The following TSHZ2 variants were observed in gnomAD, a reference collection of about 807,000 sequenced individuals.
The protein encoded by TSHZ2 is teashirt homolog 2.
A neutral mutation model predicts 74.4 loss-of-function variants in TSHZ2; 21 were observed. The ratio of observed to expected loss-of-function variants is 0.28; its 90% CI spans 0.20 to 0.41. TSHZ2 has a LOEUF of 0.41. Ranked by LOEUF, TSHZ2 falls within the 10% of genes least tolerant of loss-of-function variation. TSHZ2 has a pLI of 1.00. For synonymous variants in TSHZ2, 540 were observed against 515.3 expected (o/e 1.05, Z -0.65); for missense variants, 1,244 against 1,293.5 (o/e 0.96, Z 0.59).
chr20:53,370,641 G>A (rs901045645), intron 2 of TSHZ2, among the ~76,000 whole-genome samples: 6 of 152,118 alleles, frequency 3.9e-5, no homozygotes, highest in African/African-American at 1.2e-4. Context: ...GCATGCATCT[G>A]TGGTCCCAGA....
At chr20:52,996,307 T>TTTTATTTATTTA (rs56169663) in intron 1 of TSHZ2, among the ~76,000 whole-genome samples, 226 of 145,340 alleles carry the variant, frequency 1.6e-3, no homozygotes, top group East Asian at 4.1e-3. Context: ...CCTTTCAGGT[T>TTTTATTTATTTA]TTTATTTATT....
chr20:53,455,463 T>C (rs1476562761), intron 2 of TSHZ2: 2 of 152,122 alleles, frequency 1.3e-5, no homozygotes, highest in African/African-American at 4.8e-5. Context: ...GAGCAAAAAA[T>C]ACACAAAGTT....
chr20:53,261,245 G>A (rs1182501958), intron 2 of TSHZ2, among the ~76,000 whole-genome samples: 1 of 152,118 alleles, frequency 6.6e-6, no homozygotes. Context: ...CACTTTCCTG[G>A]GCCTTTTGGA....
intron 1 of TSHZ2, among the ~76,000 whole-genome samples, chr20:53,213,947 A>G (rs1009710643): frequency 1.3e-5 from 2 of 152,184 alleles, no homozygotes; most frequent in African/African-American, 4.8e-5. Flanking sequence ...TGCCTCTTCA[A>G]TATAGGACAT....
intron 2 of TSHZ2, among the ~76,000 whole-genome samples, chr20:53,430,485 G>C (rs1268270944): frequency 6.6e-6 from 1 of 152,020 alleles, no homozygotes; most frequent in Admixed American, 6.6e-5. Context: ...AGGTGATAGT[G>C]CTGTGGCAGA....
At position 53,493,118 on chromosome 20, in the gene TSHZ2, T is replaced by C. The variant is rs1986490842; in HGVS notation, c.*5983T>C. The C allele has an allele frequency of 6.6e-6, 1 of 152,240 alleles. No homozygotes were observed. The highest frequency in any genetic ancestry group is 2.1e-4 in the South Asian group (1 of 4,834). 9.4% of individuals were successfully genotyped at this position (152,240 alleles called of 1,614,324 possible). A position where few individuals can be genotyped will look rare whatever the true frequency, so the allele number is the denominator to read the frequency against. The stretch of plus-strand genomic sequence containing the variant: ...TTTTTATAGTGTACATATTTGTATA[T>C]ACTAACTATATCGCCATGTATGAAC... On this transcript the variant is annotated 3_prime_UTR_variant, in exon 3 of 3. Transcript: ENST00000371497.
At chr20:53,434,085 G>A (rs1319777087) in intron 2 of TSHZ2, among the ~76,000 whole-genome samples, 3 of 152,136 alleles carry the variant, frequency 2.0e-5, no homozygotes, top group African/African-American at 7.2e-5. Flanking sequence ...TGGCTGGGCT[G>A]ATCTTGAACT....
chr20:53,163,453 TTTA>T (rs1462653014), intron 1 of TSHZ2, among the ~76,000 whole-genome samples: 12 of 145,174 alleles, frequency 8.3e-5, no homozygotes, highest in African/African-American at 3.3e-4. Flanking sequence ...TTTATTTTAT[TTTA>T]TTTTTTTTTA....
intron 2 of TSHZ2, among the ~76,000 whole-genome samples, chr20:53,352,948 C>A (rs986889559): frequency 6.6e-6 from 1 of 152,042 alleles, no homozygotes; most frequent in Non-Finnish European, 1.5e-5. Flanking sequence ...TGTTGCTAAT[C>A]CTTCTGCTTA....
At chr20:53,162,976 A>T (rs6126769) in intron 1 of TSHZ2, among the ~76,000 whole-genome samples, 1 of 152,164 alleles carries the variant, frequency 6.6e-6, no homozygotes, top group African/African-American at 2.4e-5. Context: ...ATTGTTTTTA[A>T]AAAGTTTACT....
At chr20:53,158,204 G>T (rs532377091) in intron 1 of TSHZ2, among the ~76,000 whole-genome samples, 1 of 152,176 alleles carries the variant, frequency 6.6e-6, no homozygotes, top group Admixed American at 6.5e-5. Flanking sequence ...GTCTGGAGCC[G>T]AATGAGGAAG....
At chr20:53,108,493 G>A (rs775387715) in intron 1 of TSHZ2, among the ~76,000 whole-genome samples, 2 of 152,134 alleles carry the variant, frequency 1.3e-5, no homozygotes, top group Non-Finnish European at 2.9e-5. Context: ...CAACACAAAG[G>A]GCAGCACAGG....
At chr20:53,050,482 A>G (rs1363249023) in intron 1 of TSHZ2, among the ~76,000 whole-genome samples, 1 of 152,176 alleles carries the variant, frequency 6.6e-6, no homozygotes, top group Non-Finnish European at 1.5e-5. Context: ...GATTGACTCA[A>G]TAACGACTCA....
At chr20:53,382,721 T>C (rs773926760) in intron 2 of TSHZ2, among the ~76,000 whole-genome samples, 30 of 152,230 alleles carry the variant, frequency 2.0e-4, no homozygotes, top group Non-Finnish European at 3.8e-4. Context: ...CAGGATCATA[T>C]AGTTCTGAAG....
chr20:53,342,039 G>T (rs768767740), intron 2 of TSHZ2, among the ~76,000 whole-genome samples: 84 of 152,130 alleles, frequency 5.5e-4, no homozygotes, highest in Non-Finnish European at 1.0e-4. Context: ...CAGAAAAATT[G>T]AGATGCTTGT....
chr20:53,298,705 A>G (rs1991427128), intron 2 of TSHZ2, among the ~76,000 whole-genome samples: 1 of 152,220 alleles, frequency 6.6e-6, no homozygotes, highest in African/African-American at 2.4e-5. Flanking sequence ...GAGTGGCAGC[A>G]TCGATTTACC....
intron 1 of TSHZ2, among the ~76,000 whole-genome samples, chr20:53,000,081 C>T (rs983306577): frequency 3.9e-5 from 6 of 152,226 alleles, no homozygotes; most frequent in Middle Eastern, 3.2e-3. Flanking sequence ...TTCTGTCTCA[C>T]TCACCATTAT....
chr20:53,050,271 G>T (rs1315188535), intron 1 of TSHZ2, among the ~76,000 whole-genome samples: 1 of 150,856 alleles, frequency 6.6e-6, no homozygotes, highest in East Asian at 1.9e-4. Flanking sequence ...ATATTTAGTT[G>T]TTCTTACTAC....
chr20:53,341,010 T>C (rs980653278), intron 2 of TSHZ2, among the ~76,000 whole-genome samples: 2 of 152,204 alleles, frequency 1.3e-5, no homozygotes, highest in Non-Finnish European at 2.9e-5. Flanking sequence ...TTATTACTGT[T>C]GTATAAGTTT....
Sources: allele counts gnomAD v4.1 joint callset (sites outside exome capture counted in the v4.1 genomes callset), GRCh38; gene constraint gnomAD v4.1.1; transcripts MANE v1.5; gene names NCBI Gene and HGNC (gene_info 2026-07-23, HGNC 2026-07-21).